Variants in SELENON observed in about 807,000 individuals in gnomAD.
SELENON encodes selenoprotein N, 1.
SELENON carries 44 observed loss-of-function variants against 59.5 expected under a neutral mutation model. The observed-to-expected ratio is 0.74, with a 90% CI of 0.58 to 0.95. The LOEUF is 0.95. SELENON is among the 40% of genes least tolerant of loss of function. The pLI is 0.00. For missense variants in SELENON, 674 were observed against 721.4 expected, an observed-to-expected ratio of 0.93 and a Z score of 0.75; for synonymous variants, 320 against 305.6, an observed-to-expected ratio of 1.05 and a Z score of -0.49.
chr1:25,802,612 TC>T (rs1224699040), intron 3 of SELENON, among the ~76,000 whole-genome samples: 2 of 152,352 alleles, frequency 1.3e-5, no homozygotes, highest in Admixed American at 6.5e-5. Flanking sequence ...CGCCTCAGCC[TC>T]CCAAAGTGCT....
chr1:25,815,437 C>G, intron 12 of SELENON, 111 bp from the exon 12 acceptor site: 1 of 929,984 alleles, frequency 1.1e-6, no homozygotes. Flanking sequence ...CCACCTCAGA[C>G]AAGGACAGTC....
In SELENON at chr1:25,800,306, C is replaced by T; in HGVS notation, c.76C>T (p.Arg26Cys). The T allele has an allele frequency of 6.0e-6, 6 of 995,940 alleles. No homozygotes were observed. Among genetic ancestry groups the T allele is most frequent in the Non-Finnish European group, 7.2e-6 (6 of 837,488 alleles). 61.7% of individuals were successfully genotyped at this position (995,940 alleles called of 1,614,324 possible). Residue 26 changes from arginine to cysteine, a missense_variant, in exon 1 of 13, where the codon CGC becomes TGC. Transcript: ENST00000361547. ...CGCGCAGCCTCCCGCGCCACCGCGC[C>T]GCCGCGCCCGTTCCCTGGCGCTGCT...
intron 4 of SELENON, among the ~76,000 whole-genome samples, chr1:25,808,201 C>T (rs991814995): frequency 6.6e-6 from 1 of 152,212 alleles, no homozygotes; most frequent in East Asian, 1.9e-4. Context: ...GGCCCATGGG[C>T]TTATGCATAG....
At chr1:25,811,248 AG>A (rs1483604701) in intron 7 of SELENON, among the ~76,000 whole-genome samples, 2 of 152,206 alleles carry the variant, frequency 1.3e-5, no homozygotes, top group African/African-American at 2.4e-5. Flanking sequence ...AAGTGGCTCC[AG>A]TGCCTTAGGA....
intron 9 of SELENON, 61 bp from the exon 9 acceptor site, chr1:25,812,626 A>G: frequency 4.0e-6 from 5 of 1,260,878 alleles, no homozygotes; most frequent in Non-Finnish European, 5.6e-6. Context: ...CTACAGACTC[A>G]GCCCGAGTGG....
At chr1:25,810,821 A>G (rs954474309) in intron 7 of SELENON, among the ~76,000 whole-genome samples, 2 of 152,198 alleles carry the variant, frequency 1.3e-5, no homozygotes, top group African/African-American at 2.4e-5. Context: ...ACCTGCCTCC[A>G]TCGCAGGGTT....
chr1:25,812,558 C>CAAACAA (rs1462559980), intron 9 of SELENON, 129 bp from the exon 9 acceptor site: 6 of 589,624 alleles, frequency 1.0e-5, no homozygotes, highest in East Asian at 6.2e-5. Context: ...TATATGCCTA[C>CAAACAA]ACACAAACAC....
chr1:25,809,678 C>G lies in SELENON; in HGVS notation c.873-5C>G, dbSNP rs1477976000. ...CTCTGGTGCAGCAGATCCCCTTCCCCACAGGATCCATGCCGAGTTCCAGCT... is the reference window on the plus strand; with the variant it reads ...CTCTGGTGCAGCAGATCCCCTTCCCGACAGGATCCATGCCGAGTTCCAGCT... On this transcript the variant is annotated splice_polypyrimidine_tract_variant and splice_region_variant and intron_variant, in intron 6 of 12. Coordinates refer to ENST00000361547, the MANE Select transcript of SELENON (RefSeq NM_020451.3). 7.4e-6 allele frequency: 12 copies of G among 1,613,682 alleles called. 1 individual carries two copies. In the African/African-American group the frequency reaches 1.2e-4, roughly 16 times the overall value.
rs960718851 is a variant in SELENON at position 25,807,655 on chromosome 1, C to T, written c.538-925C>T. Among the ~76,000 whole-genome samples the T allele has an allele frequency of 1.3e-5, 2 of 152,152 alleles. No homozygotes were observed. The highest frequency in any genetic ancestry group is 2.9e-5 in the Non-Finnish European group (2 of 68,030). ...CCCAGGAAGGCGGGCTCGGCCTGGCCCGGCACAGCCAGCTCTGCCTTGAGA... is the reference window on the plus strand; with the variant it reads ...CCCAGGAAGGCGGGCTCGGCCTGGCTCGGCACAGCCAGCTCTGCCTTGAGA... On this transcript the variant is annotated intron_variant, in intron 4 of 12. Coordinates refer to ENST00000361547, the MANE Select transcript of SELENON (RefSeq NM_020451.3). The surrounding 1 kb of genome is among the most constrained non-coding windows in gnomAD (Gnocchi z 4.5).
Position 25,815,763 on chromosome 1 carries a change from C to T in SELENON, c.*45C>T, listed in dbSNP as rs779583656. On this transcript the variant is annotated 3_prime_UTR_variant, in exon 13 of 13. Coordinates refer to ENST00000361547, the MANE Select transcript of SELENON (RefSeq NM_020451.3). The stretch of plus-strand genomic sequence containing the variant: ...ATGCACAGGCCCCCACGCCTCAGAG[C>T]CAGAGTGGTCCTCAGCCCATTTCAG... 10 of 1,599,978 alleles carry T rather than the reference C, an allele frequency of 6.3e-6. No homozygotes were observed. The highest frequency in any genetic ancestry group is 4.0e-5 in the African/African-American group (3 of 74,746).
Position 25,818,004 on chromosome 1 carries a change from G to A in SELENON, c.*2286G>A, listed in dbSNP as rs942583473. 2.0e-5 allele frequency: 3 copies of A among 152,384 alleles called. No individual in the cohort carries two copies. Among genetic ancestry groups the A allele is most frequent in the Non-Finnish European group, 2.9e-5 (2 of 68,170 alleles). 9.4% of individuals were successfully genotyped at this position (152,384 alleles called of 1,614,324 possible). A position where few individuals can be genotyped will look rare whatever the true frequency, so the allele number is the denominator to read the frequency against. On this transcript the variant is annotated 3_prime_UTR_variant, in exon 13 of 13. Coordinates refer to ENST00000361547, the MANE Select transcript of SELENON (RefSeq NM_020451.3). ...GGCAGCCCATGCGAGCCCTTCTCCTGCTGCTCTGGGAGGGCCAGTTCCACA... is the reference window on the plus strand; with the variant it reads ...GGCAGCCCATGCGAGCCCTTCTCCTACTGCTCTGGGAGGGCCAGTTCCACA...
rs1018175386 is a variant in SELENON, at chr1:25,818,213, G to A, written c.*2495G>A. The stretch of plus-strand genomic sequence containing the variant: ...CAACATGCCCTGTAATAAAATTAGA[G>A]AAGACTAACTAGAGTGGTTCTAAGT... On this transcript the variant is annotated 3_prime_UTR_variant, in exon 13 of 13. Coordinates refer to ENST00000361547, the MANE Select transcript of SELENON (RefSeq NM_020451.3). The A allele has an allele frequency of 5.3e-5, 8 of 152,286 alleles. No homozygotes were observed. Among genetic ancestry groups the A allele is most frequent in the Admixed American group, 5.2e-4 (8 of 15,288 alleles). 9.4% of individuals were successfully genotyped at this position (152,286 alleles called of 1,614,324 possible).
Position 25,815,594 on chromosome 1 carries a change from A to C in SELENON, c.1649A>C (p.Lys550Thr), listed in dbSNP as rs1001504099. ...TACTTCTTGGACATCACCTCCGTGA[A>C]GCCCGAGGAAATCGAGAGCAATCTC... The change falls in exon 13 of 13, where the codon AAG becomes ACG. Residue 550 changes from lysine (K) to threonine (T), a missense_variant. Coordinates refer to ENST00000361547, the MANE Select transcript of SELENON (RefSeq NM_020451.3). 33 of 1,614,188 alleles carry C rather than the reference A, an allele frequency of 2.0e-5. No homozygotes were observed. Among genetic ancestry groups the C allele is most frequent in the Non-Finnish European group, 2.7e-5 (32 of 1,180,016 alleles).
chr1:25,801,005 G>A (rs751849264), intron 1 of SELENON, 38 bp from the exon 2 acceptor site: 4 of 1,565,678 alleles, frequency 2.6e-6, no homozygotes, highest in East Asian at 2.2e-5. Context: ...AGACCAGGCC[G>A]CCAAATGGTG....
chr1:25,813,512 A>G, intron 10 of SELENON: 1 of 372,078 alleles, frequency 2.7e-6, no homozygotes, highest in Non-Finnish European at 5.3e-6. Context: ...AGACAGTGAT[A>G]TTTACGCTGA....
chr1:25,806,982 C>T (rs1244501360), intron 4 of SELENON, among the ~76,000 whole-genome samples: 2 of 152,038 alleles, frequency 1.3e-5, no homozygotes, highest in East Asian at 1.9e-4. Context: ...CCACCACACC[C>T]GGCTAATTTC....
Position 25,805,181 on chromosome 1 carries a change from C to T in SELENON, c.443C>T (p.Pro148Leu). 2.5e-6 allele frequency: 4 copies of T among 1,613,968 alleles called. No homozygotes were observed. The highest frequency in any genetic ancestry group is 3.4e-6 in the Non-Finnish European group (4 of 1,180,024). Reference sequence around the variant, plus strand: ...GCCAGCTGCGAGGAGGAGGAGTTGCCCCCTGACCCTAGCGAGGAGACGCTC... The same window carrying T: ...GCCAGCTGCGAGGAGGAGGAGTTGCTCCCTGACCCTAGCGAGGAGACGCTC... Residue 148 changes from proline to leucine, a missense_variant, in exon 4 of 13, where the codon CCC (proline) becomes CTC (leucine). Physicochemically the swap from Pro to Leu is moderately conservative, Grantham distance 98. Transcript: ENST00000361547.
chr1:25,809,318 G>A (rs2047937956), intron 6 of SELENON, among the ~76,000 whole-genome samples, 168 bp downstream of exon 5: 1 of 152,230 alleles, frequency 6.6e-6, no homozygotes, highest in African/African-American at 2.4e-5. Flanking sequence ...GTGGATCCGG[G>A]TGCTGATGAC....
intron 3 of SELENON, among the ~76,000 whole-genome samples, chr1:25,802,778 CA>C (rs1179067749): frequency 6.6e-6 from 1 of 152,244 alleles, no homozygotes; most frequent in Non-Finnish European, 1.5e-5. Context: ...CTCGCTGCCC[CA>C]CCACCACCCT....
Sources: allele counts gnomAD v4.1 joint callset (sites outside exome capture counted in the v4.1 genomes callset), GRCh38; gene constraint gnomAD v4.1.1; non-coding constraint Gnocchi (gnomAD v3.1); transcripts MANE v1.5; gene names NCBI Gene and HGNC (gene_info 2026-07-23, HGNC 2026-07-21).